The following HLCS variants were observed in gnomAD, a reference collection of about 807,000 sequenced individuals.
HLCS encodes the protein biotin--protein ligase.
HLCS carries 53 observed loss-of-function variants against 75.0 expected under a neutral mutation model. The ratio of observed to expected loss-of-function variants is 0.71; its 90% CI spans 0.57 to 0.89. The LOEUF is 0.89. HLCS is among the 40% of genes least tolerant of loss of function. The pLI is 0.00. For missense variants in HLCS, 966 were observed against 1,074.0 expected (o/e 0.90, Z 1.41); for synonymous variants, 431 against 428.6 (o/e 1.01, Z -0.07).
intron 6 of HLCS, among the ~76,000 whole-genome samples, chr21:36,782,624 C>T (rs1011392814): frequency 6.6e-6 from 1 of 151,922 alleles, no homozygotes; most frequent in South Asian, 2.1e-4. Flanking sequence ...GGAGCATTAC[C>T]GAACAGCAAA....
At chr21:36,955,069 C>T (rs541484700) in intron 2 of HLCS, among the ~76,000 whole-genome samples, 1 of 152,052 alleles carries the variant, frequency 6.6e-6, no homozygotes, top group African/African-American at 2.4e-5. Flanking sequence ...TCAAAAAAAA[C>T]CCAACAAAAC....
intron 1 of HLCS, among the ~76,000 whole-genome samples, chr21:36,964,050 C>A (rs2146677250): frequency 6.6e-6 from 1 of 152,222 alleles, no homozygotes; most frequent in African/African-American, 2.4e-5. Flanking sequence ...TTTGGTGAAA[C>A]CCTGTCTCTA....
intron 6 of HLCS, among the ~76,000 whole-genome samples, chr21:36,810,083 A>C (rs2061468632): frequency 6.6e-6 from 1 of 151,684 alleles, no homozygotes; most frequent in Non-Finnish European, 1.5e-5. Flanking sequence ...ACCTTGTGTG[A>C]CTCTCCATAT....
In HLCS at chr21:36,759,729, A is replaced by G. The variant is rs761461715; in HGVS notation, c.2234T>C (p.Ile745Thr). The change falls in exon 9 of 11, where the codon ATT (isoleucine) becomes ACT (threonine). Residue 745 changes from isoleucine to threonine, a missense_variant and splice_region_variant. Coordinates refer to ENST00000674895, the MANE Select transcript of HLCS (RefSeq NM_001352514.2). ...GGGGAAAGGTTTTTGAAACTTACCA[A>G]TAAGTATATAAAATGTTTCTCCCAT... ...TLMGETFYIL[I>T]GCGFNVTNSN... The G allele has an allele frequency of 1.3e-6, 2 of 1,558,474 alleles. No individual in the cohort carries two copies. Among genetic ancestry groups the G allele is most frequent in the South Asian group, 1.1e-5 (1 of 89,998 alleles).
rs1299469014 is a variant in HLCS at position 36,752,676 on chromosome 21, T to A, written c.*1570A>T. The A allele has an allele frequency of 2.6e-5, 4 of 152,622 alleles. No homozygotes were observed. The highest frequency in any genetic ancestry group is 5.9e-5 in the Non-Finnish European group (4 of 68,042). 9.5% of individuals were successfully genotyped at this position (152,622 alleles called of 1,614,324 possible). Reference sequence around the variant, plus strand: ...TTGTTTGTTTTTTGAGAAAAATAATTCTAATTGAAGCCTCATTTCCAAAAA... The same window carrying A: ...TTGTTTGTTTTTTGAGAAAAATAATACTAATTGAAGCCTCATTTCCAAAAA... On this transcript the variant is annotated 3_prime_UTR_variant, in exon 11 of 11. Coordinates refer to ENST00000674895, the MANE Select transcript of HLCS (RefSeq NM_001352514.2).
At chr21:36,923,024 C>G (rs958017609) in intron 5 of HLCS, among the ~76,000 whole-genome samples, 1 of 152,228 alleles carries the variant, frequency 6.6e-6, no homozygotes, top group Non-Finnish European at 1.5e-5. Flanking sequence ...CCAGACTCAA[C>G]GGTTCCGTCA....
intron 6 of HLCS, among the ~76,000 whole-genome samples, chr21:36,795,573 A>T (rs898726955): frequency 3.9e-5 from 6 of 152,202 alleles, no homozygotes; most frequent in Non-Finnish European, 8.8e-5. Context: ...AGAAACCAGA[A>T]ATTTGGGGCC....
At chr21:36,781,120 T>C (rs1394525831) in intron 6 of HLCS, among the ~76,000 whole-genome samples, 2 of 152,004 alleles carry the variant, frequency 1.3e-5, no homozygotes, top group African/African-American at 2.4e-5. Flanking sequence ...GAACTGCGCA[T>C]GCAAGGGATC....
intron 6 of HLCS, among the ~76,000 whole-genome samples, chr21:36,837,053 T>C (rs1475658935): frequency 1.3e-5 from 2 of 152,116 alleles, no homozygotes; most frequent in Non-Finnish European, 2.9e-5. Flanking sequence ...CGTGGTGGCA[T>C]GTGCCTGTAA....
intron 6 of HLCS, among the ~76,000 whole-genome samples, chr21:36,779,738 G>A (rs1051521280): frequency 5.3e-5 from 8 of 151,620 alleles, no homozygotes; most frequent in African/African-American, 1.9e-4. Flanking sequence ...ACTTTAGTGT[G>A]GTTATTTTAT....
chr21:36,837,068 A>T (rs955730053), intron 6 of HLCS, among the ~76,000 whole-genome samples: 1 of 152,182 alleles, frequency 6.6e-6, no homozygotes, highest in Non-Finnish European at 1.5e-5. Context: ...CTGTAATCCC[A>T]GCTACTCTGG....
intron 6 of HLCS, among the ~76,000 whole-genome samples, chr21:36,775,403 C>T (rs1568991098): frequency 6.6e-6 from 1 of 152,254 alleles, no homozygotes; most frequent in Non-Finnish European, 1.5e-5. Flanking sequence ...ACCATAAATA[C>T]TAGATGCCTG....
At position 36,753,189 on chromosome 21, in the gene HLCS, C is replaced by T. The variant is rs1245951201; in HGVS notation, c.*1057G>A. ...ACACACATATGCGGGCACACACACA[C>T]ATCCTCCCTCTGAACTGATGGTGTT... On this transcript the variant is annotated 3_prime_UTR_variant, in exon 11 of 11. Coordinates refer to ENST00000674895, the MANE Select transcript of HLCS (RefSeq NM_001352514.2). The surrounding 1 kb of genome is among the most constrained non-coding windows in gnomAD (Gnocchi z 4.3). The T allele has an allele frequency of 6.5e-6, 1 of 152,712 alleles. No homozygotes were observed. The highest frequency in any genetic ancestry group is 1.5e-5 in the Non-Finnish European group (1 of 68,062). 9.5% of individuals were successfully genotyped at this position (152,712 alleles called of 1,614,324 possible). A position where few individuals can be genotyped will look rare whatever the true frequency, so the allele number is the denominator to read the frequency against.
At chr21:36,986,037 C>CGCTTTGTG (rs2069222466) in intron 1 of HLCS, among the ~76,000 whole-genome samples, 1 of 151,930 alleles carries the variant, frequency 6.6e-6, no homozygotes, top group African/African-American at 2.4e-5. Flanking sequence ...ATGTATTCCC[C>CGCTTTGTG]AAGTGCATGT....
chr21:36,943,688 G>A (rs1242534253), intron 2 of HLCS: 7 of 151,920 alleles, frequency 4.6e-5, no homozygotes, highest in African/African-American at 1.7e-4. Flanking sequence ...GTGTGTTGAT[G>A]GGCACCTGTA....
At chr21:36,949,110 G>A (rs2067553351) in intron 2 of HLCS, among the ~76,000 whole-genome samples, 1 of 152,148 alleles carries the variant, frequency 6.6e-6, no homozygotes. Flanking sequence ...GTAAGCTGAG[G>A]AAGAAGAGGA....
intron 5 of HLCS, among the ~76,000 whole-genome samples, chr21:36,906,009 C>T (rs929626152): frequency 1.4e-4 from 19 of 136,174 alleles, no homozygotes; most frequent in African/African-American, 5.3e-4. Context: ...AAGATTGTAC[C>T]ATTGCACTCC....
At chr21:36,822,789 T>C (rs1191605454) in intron 6 of HLCS, among the ~76,000 whole-genome samples, 1 of 152,116 alleles carries the variant, frequency 6.6e-6, no homozygotes, top group African/African-American at 2.4e-5. Flanking sequence ...ATGGAAAAAT[T>C]CCCAGAAAAG....
At chr21:36,855,793 G>T (rs1440050967) in intron 6 of HLCS, among the ~76,000 whole-genome samples, 1 of 151,992 alleles carries the variant, frequency 6.6e-6, no homozygotes, top group Non-Finnish European at 1.5e-5. Context: ...TCCCAGGCTG[G>T]TCTCAAACTC....
Sources: gnomAD v4.1 joint callset for allele counts (sites outside exome capture counted in the v4.1 genomes callset) on GRCh38, gnomAD v4.1.1 for gene constraint, Gnocchi (gnomAD v3.1) non-coding constraint, MANE v1.5 for transcripts, NCBI Gene and HGNC (gene_info 2026-07-23, HGNC 2026-07-21) for gene names.